Variants in CFAP74 observed in about 807,000 individuals in gnomAD.
CFAP74 encodes the protein cilia and flagella associated protein 74.
CFAP74 carries 124 observed loss-of-function variants against 188.9 expected under a neutral mutation model. The observed-to-expected ratio is 0.66, with a 90% CI of 0.57 to 0.76. The LOEUF is 0.76. Ranked by LOEUF, CFAP74 falls within the 30% of genes least tolerant of loss-of-function variation. The probability of loss-of-function intolerance (pLI) is 0.00; values close to 1 mark genes in which losing one functional copy is unlikely to be tolerated. For synonymous variants in CFAP74, 956 were observed against 916.7 expected (o/e 1.04, Z -0.77); for missense variants, 2,198 against 2,165.2 (o/e 1.02, Z -0.30).
intron 1 of CFAP74, among the ~76,000 whole-genome samples, chr1:1,996,920 C>CAAAAAAAAAA (rs200261557): frequency 1.2e-5 from 1 of 84,634 alleles, no homozygotes; most frequent in Non-Finnish European, 2.4e-5. Context: ...GACTCTGTCT[C>CAAAAAAAAAA]AAAAAAAAAA....
chr1:1,965,169 CCCCACCG>C, intron 12 of CFAP74, 108 bp from the exon 13 acceptor site: 1 of 1,100,500 alleles, frequency 9.1e-7, no homozygotes, highest in South Asian at 1.6e-5. Flanking sequence ...GACAGCCCAG[CCCCACCG>C]GCTGCCACCA....
At chr1:1,939,033 T>C (rs1287628026) in intron 24 of CFAP74, 45 bp from the exon 25 acceptor site, 94 of 1,523,282 alleles carry the variant, frequency 6.2e-5, no homozygotes, top group Non-Finnish European at 7.6e-5. Flanking sequence ...GGGGAGACCA[T>C]GTGGACACAC....
chr1:1,986,679 A>G (rs564204934), intron 5 of CFAP74, among the ~76,000 whole-genome samples: 1 of 152,286 alleles, frequency 6.6e-6, no homozygotes, highest in East Asian at 1.9e-4. Flanking sequence ...CTGCTGCTCC[A>G]GGCAAGAGTG....
At position 1,930,140 on chromosome 1, in the gene CFAP74, G is replaced by C. The variant is rs1557990525; in HGVS notation, c.3208C>G (p.Pro1070Ala). 1 of 1,535,590 alleles carries C rather than the reference G, an allele frequency of 6.5e-7. No homozygotes were observed. The highest frequency in any genetic ancestry group is 2.0e-5 in the Admixed American group (1 of 50,984). Residue 1070 changes from proline (P) to alanine (A), a missense_variant, in exon 26 of 39, where the codon CCC becomes GCC. Pro to Ala is a conservative substitution (Grantham distance 27). Coordinates refer to ENST00000682832, the MANE Select transcript of CFAP74 (RefSeq NM_001304360.2). Reference sequence around the variant, plus strand: ...GGCAGCAGGAACTCGAAAGACGTGGGCCCCATGGGAGAGGCGTCCTCTGAG... The same window carrying C: ...GGCAGCAGGAACTCGAAAGACGTGGCCCCCATGGGAGAGGCGTCCTCTGAG... Reference protein sequence around the residue: ...IGSEDASPMGPTSFEFLLPPD... With the variant: ...IGSEDASPMGATSFEFLLPPD...
chr1:1,971,972 G>C lies in CFAP74; in HGVS notation c.888+8C>G, dbSNP rs757342415. 2 of 1,604,280 alleles carry C rather than the reference G, an allele frequency of 1.2e-6. No homozygotes were observed. Among genetic ancestry groups the C allele is most frequent in the Non-Finnish European group, 1.7e-6 (2 of 1,177,124 alleles). On this transcript the variant is annotated splice_region_variant and intron_variant, in intron 9 of 38. Coordinates refer to ENST00000682832, the MANE Select transcript of CFAP74 (RefSeq NM_001304360.2). ...AGGGAGAGGCTGGGTGGGGCTGCGG[G>C]GGCCTACCCGGTTCGCGGAGATGCT... is the stretch of plus-strand genomic sequence containing the variant.
chr1:1,933,890 C>G (rs1464855493), intron 25 of CFAP74, among the ~76,000 whole-genome samples: 2 of 152,218 alleles, frequency 1.3e-5, no homozygotes, highest in Non-Finnish European at 2.9e-5. Context: ...TTTTCACACC[C>G]TCTTTTCTAA....
At chr1:1,940,827 A>C (rs1477167286) in intron 22 of CFAP74, among the ~76,000 whole-genome samples, 1 of 152,228 alleles carries the variant, frequency 6.6e-6, no homozygotes, top group Non-Finnish European at 1.5e-5. Flanking sequence ...ACTATCAGGA[A>C]AAGGGCCGGG....
Position 1,923,083 on chromosome 1 carries a change from G to A in CFAP74, c.4585C>T (p.Leu1529=). The change falls in exon 37 of 39, where the codon CTG becomes TTG. Residue 1529 remains leucine, a synonymous_variant. Coordinates refer to ENST00000682832, the MANE Select transcript of CFAP74 (RefSeq NM_001304360.2). The surrounding 1 kb of genome is among the most constrained non-coding windows in gnomAD (Gnocchi z 6.3). Reference sequence around the variant, plus strand: ...TCTGTGTCAAACTGGATGTAGTCCAGGGTCACCAGGATGGGCCTCAGCTCC... The same window carrying A: ...TCTGTGTCAAACTGGATGTAGTCCAAGGTCACCAGGATGGGCCTCAGCTCC... ...AEELRPILVT[L]DYIQFDTDTP... 1 of 1,610,134 alleles carries A rather than the reference G, an allele frequency of 6.2e-7. No homozygotes were observed. The highest frequency in any genetic ancestry group is 8.5e-7 in the Non-Finnish European group (1 of 1,179,230).
At chr1:1,924,048 C>T in intron 34 of CFAP74, 119 bp from the exon 35 acceptor site, 2 of 1,056,602 alleles carry the variant, frequency 1.9e-6, no homozygotes, top group Non-Finnish European at 1.3e-6. Context: ...CCTGTCCTGC[C>T]CGGTCCCCCC....
chr1:1,928,329 C>A, intron 27 of CFAP74, among the ~76,000 whole-genome samples: 1 of 152,072 alleles, frequency 6.6e-6, no homozygotes, highest in East Asian at 1.9e-4. Flanking sequence ...GGGAGGAAGC[C>A]AGGCCGGGAA....
rs1377523680 is a variant in CFAP74 at position 1,922,293 on chromosome 1, G to T, written c.4914C>A (p.Gly1638=). The T allele has an allele frequency of 6.2e-7, 1 of 1,608,562 alleles. No homozygotes were observed. The highest frequency in any genetic ancestry group is 1.1e-5 in the South Asian group (1 of 90,604). Residue 1638 remains glycine (G), a synonymous_variant, in exon 39 of 39, where the codon GGC becomes GGA. Transcript: ENST00000682832. Reference sequence around the variant, plus strand: ...GGGTGCTCTGTGCAGAGGCTTAGGGGCCAGTCAACACCTGGGCTACAAAGA... The same window carrying T: ...GGGTGCTCTGTGCAGAGGCTTAGGGTCCAGTCAACACCTGGGCTACAAAGA... The part of the protein sequence containing the change: ...KVIFVAQVLT[G]P
intron 6 of CFAP74, among the ~76,000 whole-genome samples, chr1:1,980,813 C>T (rs1457405761): frequency 1.3e-5 from 2 of 152,212 alleles, no homozygotes; most frequent in East Asian, 3.8e-4. Context: ...CCAAGCCCAA[C>T]CCCCTGCCCA....
intron 25 of CFAP74, among the ~76,000 whole-genome samples, chr1:1,932,026 A>G (rs1010375280): frequency 7.1e-6 from 1 of 141,802 alleles, no homozygotes; most frequent in Admixed American, 7.6e-5. Flanking sequence ...AGATCGCCCC[A>G]CTGCACTCCA....
chr1:1,923,137 G>T lies in CFAP74; in HGVS notation c.4531C>A (p.Arg1511=). Residue 1511 remains arginine (R), a synonymous_variant, in exon 37 of 39, where the codon CGG becomes AGG. Transcript: ENST00000682832. This position sits in a 1 kb window ranked among gnomAD's most constrained non-coding sequence, Gnocchi z 6.3. ...FDPRHREASS[R]PGPLSPEAEE... is the part of the protein sequence containing the mutation. The stretch of plus-strand genomic sequence containing the variant: ...GCTTCTGGAGAGAGAGGGCCTGGCC[G>T]GGAGCTGGCTGGAGGGGTGTGGCCA... 6.2e-7 allele frequency: 1 copy of T among 1,608,078 alleles called. No homozygotes were observed. Among genetic ancestry groups the T allele is most frequent in the East Asian group, 2.2e-5 (1 of 44,790 alleles).
At chr1:1,934,880 T>C (rs1371342506) in intron 25 of CFAP74, among the ~76,000 whole-genome samples, 1 of 146,566 alleles carries the variant, frequency 6.8e-6, no homozygotes, top group Non-Finnish European at 1.5e-5. Context: ...TGTGCGTGGG[T>C]GTTAGGTTGT....
intron 6 of CFAP74, among the ~76,000 whole-genome samples, chr1:1,981,738 G>A (rs1425442663): frequency 3.3e-5 from 4 of 120,320 alleles, no homozygotes; most frequent in Admixed American, 8.1e-5. Context: ...ACGGGGGCAC[G>A]CAGGACACCC....
chr1:1,988,545 T>C lies in CFAP74; in HGVS notation c.263A>G (p.His88Arg). 6.2e-7 allele frequency: 1 copy of C among 1,613,372 alleles called. No homozygotes were observed. Among genetic ancestry groups the C allele is most frequent in the South Asian group, 1.1e-5 (1 of 91,076 alleles). The change falls in exon 4 of 39, where the codon CAT becomes CGT. Residue 88 changes from histidine (H) to arginine (R), a missense_variant. By Grantham distance (29) the His-to-Arg change is conservative. Coordinates refer to ENST00000682832, the MANE Select transcript of CFAP74 (RefSeq NM_001304360.2). Reference protein sequence around the residue: ...RQNLSALDKMHEEQELFTEKM... With the variant: ...RQNLSALDKMREEQELFTEKM... Reference sequence around the variant, plus strand: ...CTCAGTGAAAAGCTCTTGCTCCTCATGCATCTTATCCAGGGCGCTCAGGTT... The same window carrying C: ...CTCAGTGAAAAGCTCTTGCTCCTCACGCATCTTATCCAGGGCGCTCAGGTT...
At chr1:1,972,875 G>T in intron 8 of CFAP74, 62 bp downstream of exon 8, 2 of 1,074,548 alleles carry the variant, frequency 1.9e-6, no homozygotes, top group South Asian at 1.3e-5. Flanking sequence ...GGCATTTCAA[G>T]ACAAAAGCAA....
chr1:1,946,411 C>G lies in CFAP74; in HGVS notation c.2270G>C (p.Ser757Thr), dbSNP rs1180449969. The change falls in exon 20 of 39, where the codon AGC becomes ACC. Residue 757 changes from serine to threonine, a missense_variant. By Grantham distance (58) the Ser-to-Thr change is moderately conservative. Transcript: ENST00000682832. ...EVTEGEIGPF[S>T]SIKVPIVFTP... The stretch of plus-strand genomic sequence containing the variant: ...GAAGACGATGGGCACCTTGATGGAG[C>G]TGAAGGGGCCAATTTCCCCTTCTGT... The G allele has an allele frequency of 1.3e-6, 2 of 1,536,882 alleles. No homozygotes were observed. The highest frequency in any genetic ancestry group is 1.4e-5 in the African/African-American group (1 of 73,166).
Sources: allele counts gnomAD v4.1 joint callset (sites outside exome capture counted in the v4.1 genomes callset), GRCh38; gene constraint gnomAD v4.1.1; non-coding constraint Gnocchi (gnomAD v3.1); transcripts MANE v1.5; gene names NCBI Gene and HGNC (gene_info 2026-07-23, HGNC 2026-07-21).